The following HMG20A variants were observed in gnomAD, a reference collection of about 807,000 sequenced individuals.
HMG20A encodes the protein high mobility group 20A.
A neutral mutation model predicts 43.9 loss-of-function variants in HMG20A; 17 were observed. The observed-to-expected ratio is 0.39, with a 90% CI of 0.27 to 0.58. HMG20A has a LOEUF of 0.58. HMG20A is among the 20% of genes least tolerant of loss of function. The pLI, the probability that HMG20A is intolerant of heterozygous loss-of-function variation, is 0.59. For synonymous variants in HMG20A, 132 were observed against 147.5 expected (o/e 0.89, Z 0.76); for missense variants, 341 against 438.2 (o/e 0.78, Z 1.98).
At chr15:77,439,410 C>T (rs147250475) in intron 1 of HMG20A, among the ~76,000 whole-genome samples, 3 of 152,272 alleles carry the variant, frequency 2.0e-5, no homozygotes, top group East Asian at 1.9e-4. Context: ...TCTCTCCCCA[C>T]GAGAGATAAC....
the HMG20A span, among the ~76,000 whole-genome samples, chr15:77,513,547 A>G: frequency 3.9e-5 from 6 of 152,162 alleles, no homozygotes. Flanking sequence ...GGCGGCTGGA[A>G]GTCCAAGATC....
At chr15:77,432,533 C>A (rs893007242) in intron 1 of HMG20A, among the ~76,000 whole-genome samples, 9 of 151,950 alleles carry the variant, frequency 5.9e-5, no homozygotes, top group Admixed American at 1.3e-4. Context: ...ACCAGCTTGG[C>A]CAACATGGCA....
chr15:77,504,511 A>G, the HMG20A span, among the ~76,000 whole-genome samples: 13 of 152,228 alleles, frequency 8.5e-5, no homozygotes, highest in African/African-American at 3.1e-4. Flanking sequence ...TCTCAAGGGT[A>G]ATTGCCCAAG....
the HMG20A span, among the ~76,000 whole-genome samples, chr15:77,511,278 TAC>T: frequency 2.6e-5 from 4 of 152,084 alleles, no homozygotes; most frequent in African/African-American, 4.8e-5. Flanking sequence ...TATATGTGTA[TAC>T]ACACACACAA....
chr15:77,475,933 A>C (rs919443214), intron 6 of HMG20A, among the ~76,000 whole-genome samples: 1 of 152,194 alleles, frequency 6.6e-6, no homozygotes, highest in South Asian at 2.1e-4. Flanking sequence ...TTCATTTTCA[A>C]ATTATTCTGG....
At chr15:77,427,554 T>C (rs758166593) in intron 1 of HMG20A, among the ~76,000 whole-genome samples, 1 of 152,204 alleles carries the variant, frequency 6.6e-6, no homozygotes, top group Non-Finnish European at 1.5e-5. Flanking sequence ...TTGTTCTCTT[T>C]GCTTATAATC....
the HMG20A span, among the ~76,000 whole-genome samples, chr15:77,510,174 G>T: frequency 6.6e-6 from 1 of 152,134 alleles, no homozygotes; most frequent in East Asian, 1.9e-4. Context: ...CTCCCTGAGG[G>T]TGGATTCTTC....
the HMG20A span, among the ~76,000 whole-genome samples, chr15:77,494,770 A>C: frequency 2.0e-5 from 3 of 152,218 alleles, no homozygotes; most frequent in Admixed American, 2.0e-4. Context: ...TAACAACATA[A>C]AAAAAGATAT....
At chr15:77,478,030 A>G in intron 7 of HMG20A, 1 of 538,650 alleles carries the variant, frequency 1.9e-6, no homozygotes, top group Non-Finnish European at 3.3e-6. Context: ...AGCAAAAACT[A>G]ACAAACAAAA....
chr15:77,454,387 A>G (rs894541788), intron 1 of HMG20A, among the ~76,000 whole-genome samples: 6 of 152,190 alleles, frequency 3.9e-5, no homozygotes, highest in Non-Finnish European at 8.8e-5. Flanking sequence ...TATCAATTAT[A>G]TCTTCCAAAA....
At chr15:77,453,088 C>T (rs2142315446) in intron 1 of HMG20A, among the ~76,000 whole-genome samples, 1 of 152,198 alleles carries the variant, frequency 6.6e-6, no homozygotes, top group Admixed American at 6.5e-5. Flanking sequence ...ATTAGCTGGG[C>T]ATGGTGGTGC....
chr15:77,508,649 T>C, the HMG20A span, among the ~76,000 whole-genome samples: 1 of 152,070 alleles, frequency 6.6e-6, no homozygotes, highest in Non-Finnish European at 1.5e-5. Context: ...CCCTAAGAGG[T>C]AGTGGCACCA....
At chr15:77,510,598 C>G in the HMG20A span, among the ~76,000 whole-genome samples, 1 of 152,232 alleles carries the variant, frequency 6.6e-6, no homozygotes, top group Non-Finnish European at 1.5e-5. Context: ...CCCAAGGCCC[C>G]AGCCTCCTGC....
chr15:77,438,301 C>T (rs62007310), intron 1 of HMG20A, among the ~76,000 whole-genome samples: 15,492 of 151,850 alleles, frequency 0.1, 862 homozygotes, highest in African/African-American at 0.11. Flanking sequence ...TAAAAAAATA[C>T]ATAAGGGCCC....
intron 1 of HMG20A, among the ~76,000 whole-genome samples, chr15:77,425,773 C>T (rs981587192): frequency 1.3e-5 from 2 of 152,106 alleles, no homozygotes; most frequent in Admixed American, 1.3e-4. Flanking sequence ...CTTGTATTTC[C>T]ACTCCTAGGT....
At chr15:77,438,908 A>T in intron 1 of HMG20A, among the ~76,000 whole-genome samples, 1 of 152,014 alleles carries the variant, frequency 6.6e-6, no homozygotes, top group Non-Finnish European at 1.5e-5. Flanking sequence ...CTCCTGCCTC[A>T]GCCTCCCGAG....
chr15:77,444,332 T>C lies in HMG20A; in HGVS notation c.-4-14072T>C, dbSNP rs367557484. 1.6e-4 allele frequency among the ~76,000 whole-genome samples: 24 copies of C among 152,296 alleles called. No homozygotes were observed. In the South Asian group the frequency reaches 1.9e-3, roughly 12 times the overall value. On this transcript the variant is annotated intron_variant, in intron 1 of 9. Transcript: ENST00000336216. Reference sequence around the variant, plus strand: ...GTTGAAAGAACAAAACAAATCGTTCTGTAGATTCTTATTCCCTGGACTTAG... The same window carrying C: ...GTTGAAAGAACAAAACAAATCGTTCCGTAGATTCTTATTCCCTGGACTTAG...
chr15:77,459,775 A>G (rs1440019828), intron 2 of HMG20A, among the ~76,000 whole-genome samples: 1 of 152,186 alleles, frequency 6.6e-6, no homozygotes, highest in Non-Finnish European at 1.5e-5. Flanking sequence ...TCCTTCTCAA[A>G]CATATGAATT....
At chr15:77,515,642 A>G in the HMG20A span, among the ~76,000 whole-genome samples, 1 of 152,218 alleles carries the variant, frequency 6.6e-6, no homozygotes, top group Non-Finnish European at 1.5e-5. Context: ...ATACATGCAG[A>G]AAAACATAAA....
Sources: allele counts gnomAD v4.1 joint callset (sites outside exome capture counted in the v4.1 genomes callset), GRCh38; gene constraint gnomAD v4.1.1; transcripts MANE v1.5; gene names NCBI Gene and HGNC (gene_info 2026-07-23, HGNC 2026-07-21).